Variants in LRP1B observed in about 807,000 individuals in gnomAD.
LRP1B encodes low-density lipoprotein receptor-related protein 1B.
Under a neutral mutation model 556.6 loss-of-function variants are expected in LRP1B, and 217 were observed. The ratio of observed to expected loss-of-function variants is 0.39; its 90% CI spans 0.35 to 0.44. The LOEUF (loss-of-function observed/expected upper bound fraction) is 0.44, where lower values mean the gene tolerates loss of function less well. LRP1B is among the 20% of genes least tolerant of loss of function. The probability of loss-of-function intolerance (pLI) is 1.00; values close to 1 mark genes in which losing one functional copy is unlikely to be tolerated. For missense variants in LRP1B, 5,053 were observed against 5,620.8 expected, an observed-to-expected ratio of 0.90 and a Z score of 3.23; for synonymous variants, 2,047 against 1,865.8, an observed-to-expected ratio of 1.10 and a Z score of -2.50.
chr2:140,430,896 G>GC (rs1252149873), intron 66 of LRP1B, among the ~76,000 whole-genome samples: 2 of 152,096 alleles, frequency 1.3e-5, no homozygotes, highest in Non-Finnish European at 2.9e-5. Context: ...TCGGGGATTT[G>GC]CCCCTGCCCA....
chr2:140,884,384 C>T (rs2105188574), intron 24 of LRP1B, among the ~76,000 whole-genome samples: 1 of 152,212 alleles, frequency 6.6e-6, no homozygotes, highest in African/African-American at 2.4e-5. Flanking sequence ...TGGTTAAAAT[C>T]AGTGCAACTT....
intron 1 of LRP1B, among the ~76,000 whole-genome samples, chr2:141,986,869 A>C (rs764202199): frequency 6.6e-6 from 1 of 151,990 alleles, no homozygotes; most frequent in Non-Finnish European, 1.5e-5. Flanking sequence ...CATCTCTTCC[A>C]ATATCTATTT....
chr2:140,699,738 C>A (rs1018162163), intron 41 of LRP1B, among the ~76,000 whole-genome samples: 1 of 148,980 alleles, frequency 6.7e-6, no homozygotes, highest in South Asian at 2.1e-4. Flanking sequence ...AATATTAGAT[C>A]ATTTCCATAA....
At chr2:140,607,992 C>T (rs1038133733) in intron 41 of LRP1B, among the ~76,000 whole-genome samples, 4 of 151,630 alleles carry the variant, frequency 2.6e-5, no homozygotes, top group African/African-American at 4.8e-5. Flanking sequence ...TCAGTAAATA[C>T]ATTAATAAAA....
chr2:141,234,732 A>G (rs1263336353), intron 5 of LRP1B, among the ~76,000 whole-genome samples: 2 of 152,186 alleles, frequency 1.3e-5, no homozygotes, highest in Non-Finnish European at 2.9e-5. Context: ...AGAAAAAGTT[A>G]AATATGTAAT....
At chr2:141,960,839 G>A in intron 1 of LRP1B, among the ~76,000 whole-genome samples, 1 of 143,242 alleles carries the variant, frequency 7.0e-6, no homozygotes, top group East Asian at 2.1e-4. Context: ...AAAACATTAG[G>A]GCTCAAAACC....
chr2:141,296,962 A>G (rs865991297), intron 3 of LRP1B, among the ~76,000 whole-genome samples: 2 of 152,168 alleles, frequency 1.3e-5, no homozygotes, highest in South Asian at 4.1e-4. Context: ...GCAATATTTG[A>G]TTTTACGTTC....
Position 141,116,728 on chromosome 2 carries a change from ATT to A in LRP1B, c.1014-54457_1014-54456del, listed in dbSNP as rs66900497. Among the ~76,000 whole-genome samples, 124 of 150,498 alleles carry A rather than the reference ATT, an allele frequency of 8.2e-4. 2 individuals are homozygous for A. The highest frequency in any genetic ancestry group is 4.4e-3 in the South Asian group (21 of 4,770). ...ATACAGGCAGGAACAGATCTGAATG[ATT>A]TTTTTTTTTCTATAAACTCTGCCTT... On this transcript the variant is annotated intron_variant, in intron 7 of 90. Coordinates refer to ENST00000389484, the MANE Select transcript of LRP1B (RefSeq NM_018557.3).
intron 2 of LRP1B, among the ~76,000 whole-genome samples, chr2:141,652,575 A>G (rs1321247402): frequency 6.6e-6 from 1 of 152,182 alleles, no homozygotes; most frequent in Non-Finnish European, 1.5e-5. Flanking sequence ...TGTAGAGAGG[A>G]TAACAAGAGT....
chr2:141,767,598 C>G (rs1694768921), intron 2 of LRP1B, among the ~76,000 whole-genome samples: 2 of 152,238 alleles, frequency 1.3e-5, no homozygotes, highest in African/African-American at 4.8e-5. Context: ...ATCACTCACT[C>G]TTTCCCTCAG....
intron 2 of LRP1B, among the ~76,000 whole-genome samples, chr2:141,580,744 T>G (rs1360688532): frequency 2.0e-5 from 3 of 152,208 alleles, no homozygotes; most frequent in African/African-American, 7.2e-5. Flanking sequence ...GCACAAAACT[T>G]CACGGCAAAC....
chr2:140,704,705 G>C (rs1249683103), intron 37 of LRP1B, among the ~76,000 whole-genome samples: 1 of 152,058 alleles, frequency 6.6e-6, no homozygotes, highest in Non-Finnish European at 1.5e-5. Flanking sequence ...ATGTTATACT[G>C]TGAAGGAGGC....
At chr2:141,579,842 G>C (rs1686900863) in intron 2 of LRP1B, among the ~76,000 whole-genome samples, 1 of 149,376 alleles carries the variant, frequency 6.7e-6, no homozygotes, top group Non-Finnish European at 1.5e-5. Context: ...TGGGACTACA[G>C]GCACCCACCA....
intron 7 of LRP1B, among the ~76,000 whole-genome samples, chr2:141,120,788 A>G (rs1453206875): frequency 2.0e-5 from 3 of 152,000 alleles, no homozygotes; most frequent in Non-Finnish European, 4.4e-5. Flanking sequence ...TCATTTAGCT[A>G]TATAGGCCAA....
At chr2:140,885,036 C>T (rs1465277390) in intron 24 of LRP1B, among the ~76,000 whole-genome samples, 3 of 152,108 alleles carry the variant, frequency 2.0e-5, no homozygotes, top group Non-Finnish European at 4.4e-5. Flanking sequence ...TTTTTAAATA[C>T]CTTTTCTGAT....
At chr2:140,831,632 CT>C (rs1158198648) in intron 31 of LRP1B, among the ~76,000 whole-genome samples, 1 of 152,006 alleles carries the variant, frequency 6.6e-6, no homozygotes, top group Non-Finnish European at 1.5e-5. Context: ...CTTGGCTAAA[CT>C]TTCAAAAGCA....
intron 20 of LRP1B, among the ~76,000 whole-genome samples, chr2:140,942,082 A>C (rs916020999): frequency 6.6e-6 from 1 of 152,184 alleles, no homozygotes; most frequent in African/African-American, 2.4e-5. Flanking sequence ...ACAAAGCTAT[A>C]TTAAGAAAGA....
intron 2 of LRP1B, among the ~76,000 whole-genome samples, chr2:141,788,784 C>T (rs1012767791): frequency 3.3e-5 from 5 of 149,710 alleles, no homozygotes; most frequent in South Asian, 2.1e-4. Flanking sequence ...CGAGAACATG[C>T]GGTGTTTGTT....
chr2:141,194,420 T>C (rs1681659467), intron 6 of LRP1B, among the ~76,000 whole-genome samples: 1 of 152,074 alleles, frequency 6.6e-6, no homozygotes, highest in South Asian at 2.1e-4. Flanking sequence ...ATCTAGATGA[T>C]GGCCAGAAAG....
Sources: allele counts gnomAD v4.1 joint callset (sites outside exome capture counted in the v4.1 genomes callset), GRCh38; gene constraint gnomAD v4.1.1; transcripts MANE v1.5; gene names NCBI Gene and HGNC (gene_info 2026-07-23, HGNC 2026-07-21).